The following STPG4 variants were observed in gnomAD, a reference collection of about 807,000 sequenced individuals.
STPG4 encodes the protein protein STPG4.
STPG4 carries 41 observed loss-of-function variants against 31.5 expected under a neutral mutation model. The observed-to-expected ratio is 1.30, with a 90% CI of 1.01 to 1.69. The LOEUF is 1.69. STPG4 is among the 40% of genes most tolerant of loss of function. STPG4 has a pLI of 0.00. For synonymous variants in STPG4, 141 were observed against 103.0 expected, an observed-to-expected ratio of 1.37 and a Z score of -2.24; for missense variants, 375 against 293.4, an observed-to-expected ratio of 1.28 and a Z score of -2.03.
chr2:47,120,126 G>A (rs1042656624), intron 5 of STPG4, among the ~76,000 whole-genome samples: 1 of 152,092 alleles, frequency 6.6e-6, no homozygotes, highest in Non-Finnish European at 1.5e-5. Context: ...AGGTCAGGAG[G>A]TCAAGATCAG....
At chr2:47,148,011 G>A (rs1723485) in intron 3 of STPG4, among the ~76,000 whole-genome samples, 45,574 of 150,410 alleles carry the variant, frequency 0.3, 7,205 homozygotes, top group African/African-American at 0.37. Context: ...GAGGGCAGTG[G>A]CACAATCTCA....
At chr2:47,105,312 C>G in intron 5 of STPG4, among the ~76,000 whole-genome samples, 1 of 151,950 alleles carries the variant, frequency 6.6e-6, no homozygotes, top group African/African-American at 2.4e-5. Context: ...CAGTGGCCGT[C>G]TTAGTGTCAG....
intron 5 of STPG4, among the ~76,000 whole-genome samples, chr2:47,111,198 A>G (rs1268931123): frequency 1.3e-5 from 2 of 152,202 alleles, no homozygotes; most frequent in East Asian, 1.9e-4. Flanking sequence ...TATAGTCTCA[A>G]TGCCAAGTAG....
chr2:47,107,377 G>T (rs1685936696), intron 5 of STPG4, among the ~76,000 whole-genome samples: 1 of 152,168 alleles, frequency 6.6e-6, no homozygotes, highest in Admixed American at 6.5e-5. Context: ...ACTCGGAGCA[G>T]CTGGCCGGCC....
chr2:47,090,502 G>A (rs758138871), intron 5 of STPG4, 128 bp from the exon 6 acceptor site: 9 of 651,814 alleles, frequency 1.4e-5, no homozygotes, highest in South Asian at 5.7e-5. Context: ...ATTTGGTCTC[G>A]AGAGATCTCT....
chr2:47,138,954 G>A (rs1293396472), intron 3 of STPG4, among the ~76,000 whole-genome samples: 2 of 152,178 alleles, frequency 1.3e-5, no homozygotes, highest in East Asian at 3.8e-4. Context: ...CAATGTGCTG[G>A]GATTACAGGT....
In STPG4 at chr2:47,107,285, C is replaced by T. The variant is rs59525159; in HGVS notation, c.520-16911G>A. ...GCTTGCAGGGAGGTGTGGAGGGAGA[C>T]GCGCAAGTGGGAACCGGGGCTGCGC... is the stretch of plus-strand genomic sequence containing the variant. On this transcript the variant is annotated intron_variant, in intron 5 of 6. Coordinates refer to ENST00000445927, the MANE Select transcript of STPG4 (RefSeq NM_001163561.2). 6.7e-4 allele frequency among the ~76,000 whole-genome samples: 101 copies of T among 151,842 alleles called. 2 individuals are homozygous for T. Among genetic ancestry groups the T allele is most frequent in the African/African-American group, 2.3e-3 (96 of 41,132 alleles).
intron 5 of STPG4, among the ~76,000 whole-genome samples, chr2:47,102,295 C>T (rs1411734513): frequency 6.6e-6 from 1 of 151,860 alleles, no homozygotes; most frequent in Non-Finnish European, 1.5e-5. Flanking sequence ...TTTTGTCTTT[C>T]AGATGGGAAA....
intron 5 of STPG4, among the ~76,000 whole-genome samples, chr2:47,102,990 C>T (rs575638756): frequency 2.6e-5 from 4 of 151,970 alleles, no homozygotes; most frequent in Non-Finnish European, 5.9e-5. Context: ...GAAAAGAATG[C>T]AGCTTTAGCT....
At chr2:47,155,025 G>A in intron 1 of STPG4, 146 bp downstream of exon 1, 1 of 676,346 alleles carries the variant, frequency 1.5e-6, no homozygotes, top group South Asian at 1.8e-5. Flanking sequence ...GTCCGCAGGT[G>A]GAGACGTGCG....
chr2:47,089,849 T>G (rs752454519), intron 6 of STPG4, among the ~76,000 whole-genome samples: 1 of 152,162 alleles, frequency 6.6e-6, no homozygotes, highest in Non-Finnish European at 1.5e-5. Context: ...ATGGTCCCAT[T>G]TGGGTCAATA....
At position 47,120,779 on chromosome 2, in the gene STPG4, G is replaced by A. The variant is rs115845008; in HGVS notation, c.519+9162C>T. On this transcript the variant is annotated intron_variant, in intron 5 of 6. Transcript: ENST00000445927. ...TTAAGTTATTTACTTCTCAGGGCTA[G>A]CTATCAATAGGTATCTGAAAAAATT... Among the ~76,000 whole-genome samples, 1,440 of 152,198 alleles carry A rather than the reference G, an allele frequency of 9.5e-3. 31 individuals carry two copies. The highest frequency in any genetic ancestry group is 0.032 in the African/African-American group (1,332 of 41,514).
chr2:47,125,389 T>C (rs1389534411), intron 5 of STPG4, among the ~76,000 whole-genome samples: 1 of 152,140 alleles, frequency 6.6e-6, no homozygotes, highest in Non-Finnish European at 1.5e-5. Context: ...TCACTGCACT[T>C]CAGCCTGGGT....
At chr2:47,087,591 T>C (rs761389975) in intron 6 of STPG4, among the ~76,000 whole-genome samples, 1 of 152,206 alleles carries the variant, frequency 6.6e-6, no homozygotes, top group Non-Finnish European at 1.5e-5. Context: ...CAAACTCGGG[T>C]TGGGTTTTAG....
chr2:47,131,355 G>A (rs541088324), intron 3 of STPG4, among the ~76,000 whole-genome samples: 2 of 152,194 alleles, frequency 1.3e-5, no homozygotes, highest in East Asian at 3.9e-4. Context: ...TCAAACACCT[G>A]AGCTCAAGCA....
At chr2:47,140,880 C>T (rs1248865683) in intron 3 of STPG4, among the ~76,000 whole-genome samples, 1 of 147,704 alleles carries the variant, frequency 6.8e-6, no homozygotes, top group Admixed American at 6.9e-5. Flanking sequence ...TGGCAGGTAC[C>T]ATATTTCCAG....
At chr2:47,094,871 T>C (rs1487318764) in intron 5 of STPG4, among the ~76,000 whole-genome samples, 1 of 152,226 alleles carries the variant, frequency 6.6e-6, no homozygotes, top group Non-Finnish European at 1.5e-5. Context: ...CATAATGCTG[T>C]ATAACATTAC....
intron 3 of STPG4, among the ~76,000 whole-genome samples, chr2:47,149,306 G>A (rs749360461): frequency 3.3e-5 from 5 of 152,138 alleles, no homozygotes; most frequent in Admixed American, 1.3e-4. Flanking sequence ...ATCCTTGTAC[G>A]TTTTCTCCTT....
intron 5 of STPG4, among the ~76,000 whole-genome samples, chr2:47,118,429 A>G (rs754866435): frequency 6.6e-6 from 1 of 152,204 alleles, no homozygotes; most frequent in Non-Finnish European, 1.5e-5. Flanking sequence ...ATTCTACATT[A>G]TGGTGAGTTG....
Sources: allele counts gnomAD v4.1 joint callset (sites outside exome capture counted in the v4.1 genomes callset), GRCh38; gene constraint gnomAD v4.1.1; transcripts MANE v1.5; gene names NCBI Gene and HGNC (gene_info 2026-07-23, HGNC 2026-07-21).